PTPRD: variants seen among roughly 807,000 people sequenced by gnomAD.
PTPRD encodes receptor-type tyrosine-protein phosphatase delta.
In PTPRD, 34 loss-of-function variants were observed where a neutral mutation model predicts 214.5. The ratio of observed to expected loss-of-function variants is 0.16; its 90% confidence interval spans 0.12 to 0.21. The LOEUF is 0.21. Among genes scored for constraint, PTPRD ranks in the 10% least tolerant of loss-of-function variants. PTPRD has a pLI of 1.00. For missense variants in PTPRD, 2,545 were observed against 2,398.7 expected (o/e 1.06, Z -1.27); for synonymous variants, 1,128 against 845.7 (o/e 1.33, Z -5.79).
At chr9:10,320,185 T>C (rs1269985892) in intron 3 of PTPRD, among the ~76,000 whole-genome samples, 2 of 152,058 alleles carry the variant, frequency 1.3e-5, no homozygotes, top group Non-Finnish European at 2.9e-5. Flanking sequence ...ATTTCAATTA[T>C]AAATAATGAT....
chr9:8,692,925 G>C (rs992375862), intron 12 of PTPRD, among the ~76,000 whole-genome samples: 5 of 152,164 alleles, frequency 3.3e-5, no homozygotes, highest in African/African-American at 4.8e-5. Context: ...TCACTACTCA[G>C]TTTTGGGTTC....
At chr9:8,667,964 A>C (rs755674204) in intron 12 of PTPRD, among the ~76,000 whole-genome samples, 5 of 152,116 alleles carry the variant, frequency 3.3e-5, no homozygotes, top group Non-Finnish European at 5.9e-5. Context: ...ATAAAAATAA[A>C]ATAAAAACTA....
At chr9:8,478,568 A>T (rs1459842557) in intron 30 of PTPRD, among the ~76,000 whole-genome samples, 2 of 152,122 alleles carry the variant, frequency 1.3e-5, no homozygotes, top group Non-Finnish European at 2.9e-5. Flanking sequence ...CTGCTCTATA[A>T]AGTCACAGAA....
chr9:10,427,645 G>A (rs930162589), intron 2 of PTPRD, among the ~76,000 whole-genome samples: 17 of 152,042 alleles, frequency 1.1e-4, no homozygotes, highest in African/African-American at 3.4e-4. Context: ...AAGCCTGAGC[G>A]GACATGTAGT....
chr9:8,783,407 G>A (rs144951332), intron 11 of PTPRD, among the ~76,000 whole-genome samples: 15 of 152,174 alleles, frequency 9.9e-5, no homozygotes, highest in Middle Eastern at 3.4e-3. Context: ...AAGTCATTAC[G>A]GTTTATTTTG....
At chr9:8,457,728 A>G (rs2096257678) in intron 33 of PTPRD, among the ~76,000 whole-genome samples, 1 of 152,132 alleles carries the variant, frequency 6.6e-6, no homozygotes, top group African/African-American at 2.4e-5. Flanking sequence ...GTGAGTCAAC[A>G]ACGTTTTATT....
chr9:10,372,020 G>GAGT (rs1331258707), intron 2 of PTPRD, among the ~76,000 whole-genome samples: 2 of 152,038 alleles, frequency 1.3e-5, no homozygotes, highest in African/African-American at 4.8e-5. Flanking sequence ...GCACAGTGGG[G>GAGT]AGTAGGGCAC....
chr9:9,969,525 G>C (rs2094945236), intron 4 of PTPRD, among the ~76,000 whole-genome samples: 1 of 152,174 alleles, frequency 6.6e-6, no homozygotes, highest in South Asian at 2.1e-4. Context: ...AGTCTTGGAA[G>C]CAAAAAGATT....
At chr9:9,248,238 G>A (rs1322762599) in intron 9 of PTPRD, among the ~76,000 whole-genome samples, 3 of 151,708 alleles carry the variant, frequency 2.0e-5, no homozygotes, top group Non-Finnish European at 4.4e-5. Context: ...GATTACAGGC[G>A]CCCACCACAA....
In PTPRD at chr9:9,209,570, T is replaced by A. The variant is rs373623760; in HGVS notation, c.-202-26207A>T. On this transcript the variant is annotated intron_variant, in intron 9 of 45. Transcript: ENST00000381196. ...AGAGATATCTACTGAAATATTTGTG[T>A]ATCAAATGATATGATGTCTGGAATT... Among the ~76,000 whole-genome samples the A allele has an allele frequency of 1.1e-3, 168 of 152,344 alleles. 1 individual carries two copies. The highest frequency in any genetic ancestry group is 3.9e-3 in the African/African-American group (164 of 41,594).
intron 4 of PTPRD, among the ~76,000 whole-genome samples, chr9:9,968,620 G>C (rs1486838847): frequency 1.3e-5 from 2 of 152,082 alleles, no homozygotes; most frequent in African/African-American, 4.8e-5. Flanking sequence ...GAATGGAAGG[G>C]AAGGGTAGGC....
At chr9:9,926,711 G>A (rs1258230732) in intron 5 of PTPRD, among the ~76,000 whole-genome samples, 1 of 152,160 alleles carries the variant, frequency 6.6e-6, no homozygotes, top group Non-Finnish European at 1.5e-5. Flanking sequence ...TAGGGTTAAT[G>A]TGAAGATTTC....
intron 5 of PTPRD, among the ~76,000 whole-genome samples, chr9:9,861,527 T>C (rs2153691643): frequency 6.6e-6 from 1 of 152,322 alleles, no homozygotes; most frequent in South Asian, 2.1e-4. Context: ...CATGACCTCG[T>C]GATCCGCCCA....
intron 5 of PTPRD, among the ~76,000 whole-genome samples, chr9:9,876,289 G>C (rs2066845136): frequency 6.6e-6 from 1 of 151,970 alleles, no homozygotes; most frequent in Admixed American, 6.6e-5. Context: ...TTCTAATAAA[G>C]AATCCTACTA....
intron 20 of PTPRD, among the ~76,000 whole-genome samples, chr9:8,520,393 T>A (rs1291572992): frequency 6.6e-6 from 1 of 152,122 alleles, no homozygotes; most frequent in East Asian, 1.9e-4. Context: ...GTGTATTGCA[T>A]TTTCTAAGAT....
At chr9:9,312,014 T>C (rs1048204303) in intron 9 of PTPRD, among the ~76,000 whole-genome samples, 1 of 152,226 alleles carries the variant, frequency 6.6e-6, no homozygotes, top group Non-Finnish European at 1.5e-5. Flanking sequence ...GCTAGTCCTG[T>C]TTATTCTCAA....
chr9:8,425,780 C>G (rs2094623552), intron 35 of PTPRD, among the ~76,000 whole-genome samples: 1 of 152,052 alleles, frequency 6.6e-6, no homozygotes. Context: ...TCAAGCTACT[C>G]CTCTTATAAA....
At chr9:10,520,587 T>C (rs559401167) in intron 2 of PTPRD, among the ~76,000 whole-genome samples, 5 of 152,316 alleles carry the variant, frequency 3.3e-5, no homozygotes, top group Admixed American at 2.6e-4. Context: ...CAGACTTCTA[T>C]TGGAAGAAGC....
intron 14 of PTPRD, among the ~76,000 whole-genome samples, chr9:8,609,383 T>C (rs2154288231): frequency 6.6e-6 from 1 of 152,366 alleles, no homozygotes. Context: ...TGTTTCATGT[T>C]TTGTGGTTTT....
Sources: allele counts gnomAD v4.1 joint callset (sites outside exome capture counted in the v4.1 genomes callset), GRCh38; gene constraint gnomAD v4.1.1; transcripts MANE v1.5; gene names NCBI Gene and HGNC (gene_info 2026-07-23, HGNC 2026-07-21).